The following ZNF326 variants were observed in gnomAD, a reference collection of about 807,000 sequenced individuals.
ZNF326 encodes the protein DBIRD complex subunit ZNF326.
In ZNF326, 30 loss-of-function variants were observed where a neutral mutation model predicts 63.1. The observed-to-expected ratio is 0.48, with a 90% CI of 0.36 to 0.64. ZNF326 has a LOEUF of 0.64. Among genes scored for constraint, ZNF326 ranks in the 30% least tolerant of loss-of-function variants. ZNF326 has a pLI of 0.00. For synonymous variants in ZNF326, 194 were observed against 228.2 expected, an observed-to-expected ratio of 0.85 and a Z score of 1.35; for missense variants, 609 against 720.3, an observed-to-expected ratio of 0.85 and a Z score of 1.77.
intron 4 of ZNF326, chr1:90,005,752 A>G: frequency 1.0e-6 from 1 of 982,542 alleles, no homozygotes; most frequent in East Asian, 1.1e-4. Flanking sequence ...AAGGAAGAGC[A>G]TATTGCAATA....
intron 7 of ZNF326, 72 bp from the exon 8 acceptor site, chr1:90,017,245 T>A: frequency 9.5e-7 from 1 of 1,054,434 alleles, no homozygotes; most frequent in Non-Finnish European, 1.3e-6. Flanking sequence ...TTAGTTTCAA[T>A]GTTATATTCT....
At chr1:90,020,673 A>G (rs1000952782) in intron 9 of ZNF326, 119 bp from the exon 10 acceptor site, 2 of 927,988 alleles carry the variant, frequency 2.2e-6, no homozygotes, top group Non-Finnish European at 3.3e-6. Context: ...AAACCTATGC[A>G]CTCTGATCTT....
chr1:90,007,285 G>A lies in ZNF326; in HGVS notation c.210-60G>A. Reference sequence around the variant, plus strand: ...AATGTCATCTGATAATTTGTCTTTTGAATTGTCTAACATTAGTAAGCTTAC... The same window carrying A: ...AATGTCATCTGATAATTTGTCTTTTAAATTGTCTAACATTAGTAAGCTTAC... On this transcript the variant is annotated intron_variant, in intron 4 of 11. Transcript: ENST00000340281. This position sits in a 1 kb window ranked among gnomAD's most constrained non-coding sequence, Gnocchi z 4.9. The A allele has an allele frequency of 6.8e-7, 1 of 1,475,896 alleles. No individual in the cohort carries two copies. The highest frequency in any genetic ancestry group is 9.1e-7 in the Non-Finnish European group (1 of 1,095,284). 91.4% of individuals were successfully genotyped at this position (1,475,896 alleles called of 1,614,324 possible).
intron 4 of ZNF326, chr1:90,005,950 G>A: frequency 1.0e-6 from 1 of 985,330 alleles, no homozygotes; most frequent in Non-Finnish European, 1.2e-6. Context: ...ACAACTACAA[G>A]CTTTAAGGTT....
intron 8 of ZNF326, 143 bp downstream of exon 8, chr1:90,017,607 C>T: frequency 1.4e-6 from 1 of 708,948 alleles, no homozygotes; most frequent in Non-Finnish European, 2.2e-6. Context: ...AAAATTAACT[C>T]AGAATTACTT....
chr1:90,015,925 G>A (rs146264328), intron 7 of ZNF326, among the ~76,000 whole-genome samples: 3 of 152,210 alleles, frequency 2.0e-5, no homozygotes, highest in Non-Finnish European at 4.4e-5. Flanking sequence ...ATTTAATGAA[G>A]AAATGCTGTG....
In ZNF326 at chr1:90,005,126, C is replaced by T. The variant is rs1329823334; in HGVS notation, c.98-7C>T. ...CATATAACTTTTTTCTTTTTAAACTCTTATAGGGATGGATCGTGACTATGG... is the reference window on the plus strand; with the variant it reads ...CATATAACTTTTTTCTTTTTAAACTTTTATAGGGATGGATCGTGACTATGG... On this transcript the variant is annotated splice_region_variant and splice_polypyrimidine_tract_variant and intron_variant, in intron 3 of 11. Coordinates refer to ENST00000340281, the MANE Select transcript of ZNF326 (RefSeq NM_182976.4). The T allele has an allele frequency of 1.2e-6, 2 of 1,613,862 alleles. No homozygotes were observed. The highest frequency in any genetic ancestry group is 1.7e-5 in the Admixed American group (1 of 59,968).
At chr1:90,014,967 TTAATA>T (rs1430418013) in intron 7 of ZNF326, among the ~76,000 whole-genome samples, 7 of 152,322 alleles carry the variant, frequency 4.6e-5, no homozygotes, top group South Asian at 2.1e-4. Flanking sequence ...TATGTTCATG[TTAATA>T]TAATATATAA....
At chr1:90,014,735 C>G (rs1485108157) in intron 7 of ZNF326, among the ~76,000 whole-genome samples, 1 of 152,170 alleles carries the variant, frequency 6.6e-6, no homozygotes, top group African/African-American at 2.4e-5. Context: ...GTTTCAAGAA[C>G]TACTGCTATT....
intron 2 of ZNF326, among the ~76,000 whole-genome samples, chr1:90,003,390 C>T (rs1288348283): frequency 6.6e-6 from 1 of 152,142 alleles, no homozygotes; most frequent in East Asian, 1.9e-4. Context: ...CCTCGACCTC[C>T]CAAAGTGCTG....
rs368835902 is a variant in ZNF326 at position 89,998,169 on chromosome 1, T to C, written c.61+15T>C. 1 of 1,611,902 alleles carries C rather than the reference T, an allele frequency of 6.2e-7. No homozygotes were observed. The highest frequency in any genetic ancestry group is 8.5e-7 in the Non-Finnish European group (1 of 1,179,348). ...GGGCTTTAATGGTAAGTATCCTCTT[T>C]CAGCTTTTCTCTTCATGCGCATAAA... On this transcript the variant is annotated intron_variant, in intron 2 of 11. Coordinates refer to ENST00000340281, the MANE Select transcript of ZNF326 (RefSeq NM_182976.4).
At chr1:89,995,422 C>G in intron 1 of ZNF326, 149 bp downstream of exon 1, 1 of 1,138,586 alleles carries the variant, frequency 8.8e-7, no homozygotes, top group Non-Finnish European at 1.2e-6. Context: ...CGCCCGGAGT[C>G]GGCCTCTTTG....
chr1:90,013,352 A>G, intron 7 of ZNF326, 115 bp downstream of exon 7: 1 of 787,294 alleles, frequency 1.3e-6, no homozygotes, highest in East Asian at 3.0e-5. Context: ...AGACTTGTTC[A>G]AAGATACAGA....
chr1:90,004,643 G>A (rs1648866551), intron 2 of ZNF326, among the ~76,000 whole-genome samples: 1 of 152,106 alleles, frequency 6.6e-6, no homozygotes, highest in South Asian at 2.1e-4. Flanking sequence ...TTGAGCCCAG[G>A]AGTTCGAGAC....
At chr1:89,995,412 C>G in intron 1 of ZNF326, 139 bp downstream of exon 1, 2 of 1,174,060 alleles carry the variant, frequency 1.7e-6, no homozygotes, top group Non-Finnish European at 2.3e-6. Flanking sequence ...CCGGGCCCAG[C>G]GCCCGGAGTC....
rs999587893 is a variant in ZNF326 at position 90,029,200 on chromosome 1, G to A, written c.*1499G>A. ...ATTGTAAGGTATTAAGTGGGTGAAT[G>A]TATGGACATTTGTAGAATCCCACAG... On this transcript the variant is annotated 3_prime_UTR_variant, in exon 12 of 12. Transcript: ENST00000340281. 1.3e-5 allele frequency: 2 copies of A among 152,086 alleles called. No individual in the cohort carries two copies. The highest frequency in any genetic ancestry group is 2.9e-5 in the Non-Finnish European group (2 of 68,004). 9.4% of individuals were successfully genotyped at this position (152,086 alleles called of 1,614,324 possible).
In ZNF326 at chr1:89,998,234, A is replaced by T. The variant is rs1203771182; in HGVS notation, c.61+80A>T. The T allele has an allele frequency of 5.3e-5, 74 of 1,402,602 alleles. No homozygotes were observed. In the Admixed American group the frequency reaches 1.3e-3, roughly 24 times the overall value. 86.9% of individuals were successfully genotyped at this position (1,402,602 alleles called of 1,614,324 possible). On this transcript the variant is annotated intron_variant, in intron 2 of 11. Coordinates refer to ENST00000340281, the MANE Select transcript of ZNF326 (RefSeq NM_182976.4). ...GTAAAAGGCCAGTTCTACCTATTTC[A>T]GTCCTTGTTTTGGTTCTTGATATAT... is the stretch of plus-strand genomic sequence containing the variant.
At position 90,033,481 on chromosome 1, in the gene ZNF326, CATATT is replaced by C. The variant is rs1308470175; in HGVS notation, c.*5785_*5789del. 4 of 152,198 alleles carry C rather than the reference CATATT, an allele frequency of 2.6e-5. No homozygotes were observed. The East Asian group carries it at 7.7e-4, about 29-fold the overall frequency. 9.4% of individuals were successfully genotyped at this position (152,198 alleles called of 1,614,324 possible). A position where few individuals can be genotyped will look rare whatever the true frequency, so the allele number is the denominator to read the frequency against. On this transcript the variant is annotated 3_prime_UTR_variant, in exon 12 of 12. Coordinates refer to ENST00000340281, the MANE Select transcript of ZNF326 (RefSeq NM_182976.4). ...TAATAGTTTCATATGTAATCCTCAT[CATATT>C]ATATGTCATAATCTTCAAATATTTT... is the stretch of plus-strand genomic sequence containing the variant.
chr1:90,032,996 A>G lies in ZNF326; in HGVS notation c.*5295A>G, dbSNP rs559552658. On this transcript the variant is annotated 3_prime_UTR_variant, in exon 12 of 12. Coordinates refer to ENST00000340281, the MANE Select transcript of ZNF326 (RefSeq NM_182976.4). ...AAATCTGCCAGCTGTCTATTTCCCA[A>G]TTTTCCTTCTGACTGTTCCTTTCTC... 9 of 152,208 alleles carry G rather than the reference A, an allele frequency of 5.9e-5. No homozygotes were observed. In the East Asian group the frequency reaches 7.7e-4, roughly 13 times the overall value. 9.4% of individuals were successfully genotyped at this position (152,208 alleles called of 1,614,324 possible). A position where few individuals can be genotyped will look rare whatever the true frequency, so the allele number is the denominator to read the frequency against.
Sources: gnomAD v4.1 joint callset for allele counts (sites outside exome capture counted in the v4.1 genomes callset) on GRCh38, gnomAD v4.1.1 for gene constraint, Gnocchi (gnomAD v3.1) non-coding constraint, MANE v1.5 for transcripts, NCBI Gene and HGNC (gene_info 2026-07-23, HGNC 2026-07-21) for gene names.